The following PSD3 variants were observed in gnomAD, a reference collection of about 807,000 sequenced individuals.
The protein encoded by PSD3 is PH and SEC7 domain-containing protein 3.
A neutral mutation model predicts 105.5 loss-of-function variants in PSD3; 49 were observed. That is an observed-to-expected ratio of 0.46 (90% confidence interval 0.37 to 0.59). PSD3 has a LOEUF of 0.59. PSD3 is among the 20% of genes least tolerant of loss of function. The pLI is 0.00. For missense variants in PSD3, 1,561 were observed against 1,263.8 expected (o/e 1.24, Z -3.57); for synonymous variants, 557 against 457.8 (o/e 1.22, Z -2.77).
intron 12 of PSD3, among the ~76,000 whole-genome samples, 188 bp from the exon 13 acceptor site, chr8:18,575,473 T>C (rs1484837741): frequency 1.3e-5 from 2 of 152,190 alleles, no homozygotes; most frequent in East Asian, 1.9e-4. Flanking sequence ...AAAAATTTGC[T>C]GAGAATGAGA....
chr8:19,019,405 A>C (rs1028892196), intron 1 of PSD3, among the ~76,000 whole-genome samples: 1 of 152,238 alleles, frequency 6.6e-6, no homozygotes, highest in African/African-American at 2.4e-5. Context: ...TAAAATATGC[A>C]TTTAAAGGAA....
rs560742770 is a variant in PSD3, at chr8:18,564,594, A to G, written c.2784+7934T>C. On this transcript the variant is annotated intron_variant, in intron 14 of 15. Coordinates refer to ENST00000327040, the MANE Select transcript of PSD3 (RefSeq NM_015310.4). ...CAGTGAGCCAAGATGGCACCACTGC[A>G]CTCCAGCCTGGGTGATAGAGTGAGA... Among the ~76,000 whole-genome samples, 5 of 149,978 alleles carry G rather than the reference A, an allele frequency of 3.3e-5. No homozygotes were observed. The South Asian group carries it at 1.1e-3, about 32-fold the overall frequency.
chr8:18,992,695 T>G (rs1010336053), intron 1 of PSD3, among the ~76,000 whole-genome samples: 1 of 152,176 alleles, frequency 6.6e-6, no homozygotes, highest in African/African-American at 2.4e-5. Flanking sequence ...CCTTTAAAAA[T>G]GTACTAGAAA....
chr8:18,996,821 C>A (rs1375217340), intron 1 of PSD3, among the ~76,000 whole-genome samples: 1 of 151,886 alleles, frequency 6.6e-6, no homozygotes, highest in Non-Finnish European at 1.5e-5. Context: ...AACATTTGGT[C>A]CCCACTACTA....
At chr8:18,970,752 C>T (rs972116395) in intron 1 of PSD3, among the ~76,000 whole-genome samples, 8 of 152,024 alleles carry the variant, frequency 5.3e-5, no homozygotes, top group African/African-American at 1.4e-4. Flanking sequence ...GTTAGGACTT[C>T]GAGACCAGCC....
intron 11 of PSD3, among the ~76,000 whole-genome samples, chr8:18,615,017 A>C (rs1002114904): frequency 6.6e-6 from 1 of 152,184 alleles, no homozygotes; most frequent in Non-Finnish European, 1.5e-5. Flanking sequence ...AAAGTTAGGC[A>C]TAACAAAAAT....
intron 12 of PSD3, among the ~76,000 whole-genome samples, chr8:18,590,086 T>G (rs1803482797): frequency 1.3e-5 from 2 of 152,106 alleles, no homozygotes; most frequent in African/African-American, 2.4e-5. Flanking sequence ...AGATACAGTA[T>G]AGTTGAAATA....
intron 1 of PSD3, among the ~76,000 whole-genome samples, chr8:18,991,755 G>T (rs1271624676): frequency 6.6e-6 from 1 of 152,100 alleles, no homozygotes; most frequent in African/African-American, 2.4e-5. Flanking sequence ...TAAATTAAGG[G>T]TCTGAATTAG....
chr8:18,857,546 G>A (rs1258959096), intron 4 of PSD3, among the ~76,000 whole-genome samples: 1 of 152,224 alleles, frequency 6.6e-6, no homozygotes, highest in Non-Finnish European at 1.5e-5. Context: ...GGCTGGAGAT[G>A]AGAAGCTTAC....
chr8:19,030,680 G>A (rs1258592430), intron 1 of PSD3, among the ~76,000 whole-genome samples: 1 of 152,086 alleles, frequency 6.6e-6, no homozygotes, highest in Admixed American at 6.6e-5. Flanking sequence ...CTACAGAACT[G>A]TGAACCAATT....
intron 4 of PSD3, among the ~76,000 whole-genome samples, chr8:18,850,721 C>A (rs1815496692): frequency 6.6e-6 from 1 of 152,120 alleles, no homozygotes; most frequent in Non-Finnish European, 1.5e-5. Flanking sequence ...GGTCTTGTAG[C>A]TCAACCCCCT....
chr8:19,036,708 A>T (rs146458856), intron 1 of PSD3, among the ~76,000 whole-genome samples: 114 of 152,256 alleles, frequency 7.5e-4, no homozygotes, highest in African/African-American at 2.5e-3. Flanking sequence ...CCTCACTTAG[A>T]CCAGATTCAT....
Position 18,908,393 on chromosome 8 carries a change from G to C in PSD3, c.130+27641C>G, listed in dbSNP as rs12056515. Among the ~76,000 whole-genome samples, 194 of 152,140 alleles carry C rather than the reference G, an allele frequency of 1.3e-3. 2 individuals carry two copies. The East Asian group carries it at 0.033, about 26-fold the overall frequency. ...AATCTACTATCCTCCACAACATCCTGTACTCAGTCTCAGGTCTTTTTAGAA... is the reference window on the plus strand; with the variant it reads ...AATCTACTATCCTCCACAACATCCTCTACTCAGTCTCAGGTCTTTTTAGAA... On this transcript the variant is annotated intron_variant, in intron 2 of 15. Transcript: ENST00000327040.
chr8:19,067,412 GT>G (rs1829110978), intron 1 of PSD3, among the ~76,000 whole-genome samples: 1 of 152,156 alleles, frequency 6.6e-6, no homozygotes, highest in African/African-American at 2.4e-5. Context: ...TGCACCAAGA[GT>G]CATTGCATTC....
At chr8:18,982,950 A>G (rs1435755869) in intron 1 of PSD3, among the ~76,000 whole-genome samples, 6 of 152,230 alleles carry the variant, frequency 3.9e-5, no homozygotes, top group Non-Finnish European at 8.8e-5. Context: ...GAAGCCAGGC[A>G]TTGACTTCTC....
At chr8:19,029,284 A>G (rs905716451) in intron 1 of PSD3, among the ~76,000 whole-genome samples, 4 of 152,226 alleles carry the variant, frequency 2.6e-5, no homozygotes, top group Admixed American at 1.3e-4. Flanking sequence ...CTTCTAAAAC[A>G]TGAACACTCT....
At chr8:18,825,562 A>G (rs562208225) in intron 4 of PSD3, among the ~76,000 whole-genome samples, 1 of 152,238 alleles carries the variant, frequency 6.6e-6, no homozygotes, top group African/African-American at 2.4e-5. Context: ...TCACTGGTAC[A>G]AATTAACTCA....
rs1307300324 is a variant in PSD3 at position 18,752,575 on chromosome 8, A to AT, written c.2172+12873_2172+12874insA. 8.8e-4 allele frequency among the ~76,000 whole-genome samples: 28 copies of AT among 31,714 alleles called. 1 individual carries two copies. Among genetic ancestry groups the AT allele is most frequent in the Non-Finnish European group, 1.4e-3 (25 of 17,510 alleles). The allele number at this position is 31,714 out of a possible 152,430, so 20.8% of individuals were successfully genotyped here. A position where few individuals can be genotyped will look rare whatever the true frequency, so the allele number is the denominator to read the frequency against. ...ATATAATTATATATATTATATATAT[A>AT]ATTATATATATTATATATTATATAT... On this transcript the variant is annotated intron_variant, in intron 9 of 15. Transcript: ENST00000327040.
chr8:18,567,437 G>C (rs575704206), intron 14 of PSD3, among the ~76,000 whole-genome samples: 1 of 152,144 alleles, frequency 6.6e-6, no homozygotes, highest in Non-Finnish European at 1.5e-5. Context: ...TAGTTGGATA[G>C]ATGGAGATGT....
Sources: allele counts gnomAD v4.1 joint callset (sites outside exome capture counted in the v4.1 genomes callset), GRCh38; gene constraint gnomAD v4.1.1; transcripts MANE v1.5; gene names NCBI Gene and HGNC (gene_info 2026-07-23, HGNC 2026-07-21).